The following DSCAM variants were observed in gnomAD, a reference collection of about 807,000 sequenced individuals.
DSCAM encodes cell adhesion molecule DSCAM.
DSCAM carries 47 observed loss-of-function variants against 217.7 expected under a neutral mutation model. The observed-to-expected ratio is 0.22, with a 90% confidence interval of 0.17 to 0.28. The LOEUF is 0.28. DSCAM is among the 10% of genes least tolerant of loss of function. The pLI is 1.00. For synonymous variants in DSCAM, 1,056 were observed against 1,015.3 expected (o/e 1.04, Z -0.76); for missense variants, 2,080 against 2,618.3 (o/e 0.79, Z 4.49).
At chr21:40,453,266 TC>T (rs2145933236) in intron 3 of DSCAM, among the ~76,000 whole-genome samples, 2 of 152,284 alleles carry the variant, frequency 1.3e-5, no homozygotes, top group South Asian at 4.1e-4. Flanking sequence ...ATGTATTCTT[TC>T]TTGAGAAGAT....
intron 3 of DSCAM, among the ~76,000 whole-genome samples, chr21:40,541,785 A>C (rs1184756039): frequency 1.3e-5 from 2 of 152,222 alleles, no homozygotes; most frequent in Non-Finnish European, 2.9e-5. Flanking sequence ...GATGTTTAGG[A>C]AGACTTGGAA....
At chr21:40,265,213 A>G (rs1181330305) in intron 11 of DSCAM, among the ~76,000 whole-genome samples, 3 of 150,794 alleles carry the variant, frequency 2.0e-5, no homozygotes, top group Non-Finnish European at 4.4e-5. Context: ...AAAGAAAAAA[A>G]AAAGAACTCA....
chr21:40,236,911 T>C (rs1346660971), intron 11 of DSCAM, among the ~76,000 whole-genome samples: 2 of 152,160 alleles, frequency 1.3e-5, no homozygotes, highest in African/African-American at 2.4e-5. Context: ...GACAGCTTTA[T>C]TACTTCTGAC....
intron 1 of DSCAM, among the ~76,000 whole-genome samples, chr21:40,759,439 A>G (rs2091308420): frequency 6.6e-6 from 1 of 152,148 alleles, no homozygotes; most frequent in Non-Finnish European, 1.5e-5. Context: ...AAAAAAACCA[A>G]CTGAATGATC....
chr21:40,269,520 G>A (rs2073586974), intron 11 of DSCAM, among the ~76,000 whole-genome samples: 1 of 152,210 alleles, frequency 6.6e-6, no homozygotes, highest in Non-Finnish European at 1.5e-5. Context: ...TTGTCACTGA[G>A]TGTATGGTGT....
At chr21:40,592,604 G>C (rs751501472) in intron 3 of DSCAM, among the ~76,000 whole-genome samples, 1 of 152,028 alleles carries the variant, frequency 6.6e-6, no homozygotes, top group Non-Finnish European at 1.5e-5. Flanking sequence ...TCTTGCCTCT[G>C]TGTGCTTGCC....
chr21:40,276,104 C>G lies in DSCAM; in HGVS notation c.2349G>C (p.Thr783=). Residue 783 remains threonine (T), a synonymous_variant, in exon 11 of 33, where the codon ACG becomes ACC. Transcript: ENST00000400454. ...GADVSKSMYL[T]VKIPAMITSY... Reference sequence around the variant, plus strand: ...GCATTTCTTCTCTCTTACTTTTAACCGTGAGGTACATGGACTTGCTGACGT... The same window carrying G: ...GCATTTCTTCTCTCTTACTTTTAACGGTGAGGTACATGGACTTGCTGACGT... 3.2e-6 allele frequency: 5 copies of G among 1,576,234 alleles called. No individual in the cohort carries two copies. Among genetic ancestry groups the G allele is most frequent in the Non-Finnish European group, 4.3e-6 (5 of 1,163,296 alleles).
intron 3 of DSCAM, among the ~76,000 whole-genome samples, chr21:40,437,703 T>C (rs2075595553): frequency 6.6e-6 from 1 of 151,638 alleles, no homozygotes; most frequent in African/African-American, 2.4e-5. Context: ...ATACAAAAAT[T>C]AGCCAGGCGT....
At chr21:40,334,742 G>C (rs2074412465) in intron 8 of DSCAM, among the ~76,000 whole-genome samples, 1 of 152,006 alleles carries the variant, frequency 6.6e-6, no homozygotes, top group Non-Finnish European at 1.5e-5. Context: ...CAAACTACTA[G>C]ACTGGAAGTA....
At chr21:40,610,280 C>T (rs562440297) in intron 3 of DSCAM, among the ~76,000 whole-genome samples, 2 of 152,302 alleles carry the variant, frequency 1.3e-5, no homozygotes, top group Admixed American at 6.5e-5. Context: ...TACATTTCTC[C>T]CCTCCATCTC....
intron 3 of DSCAM, among the ~76,000 whole-genome samples, chr21:40,419,558 C>T (rs1040594989): frequency 1.3e-5 from 2 of 152,126 alleles, no homozygotes; most frequent in Non-Finnish European, 2.9e-5. Flanking sequence ...TCTTATCTTT[C>T]ATATATGAGG....
chr21:40,154,389 G>C (rs1282077980), intron 16 of DSCAM, among the ~76,000 whole-genome samples: 1 of 151,948 alleles, frequency 6.6e-6, no homozygotes, highest in Non-Finnish European at 1.5e-5. Context: ...GAGTACCTGG[G>C]ATCACAGACA....
At chr21:40,497,033 CT>C (rs2076124283) in intron 3 of DSCAM, among the ~76,000 whole-genome samples, 1 of 152,072 alleles carries the variant, frequency 6.6e-6, no homozygotes, top group Non-Finnish European at 1.5e-5. Flanking sequence ...CCCTAGTACT[CT>C]ATTGGTGGAA....
intron 3 of DSCAM, among the ~76,000 whole-genome samples, chr21:40,637,640 T>TATATATATAA (rs2089821003): frequency 3.1e-5 from 2 of 64,796 alleles, no homozygotes; most frequent in Non-Finnish European, 5.3e-5. Flanking sequence ...TAAATATATA[T>TATATATATAA]AAATATATAT....
intron 3 of DSCAM, among the ~76,000 whole-genome samples, chr21:40,681,580 G>C (rs2090401463): frequency 1.3e-5 from 2 of 151,732 alleles, no homozygotes; most frequent in Admixed American, 1.3e-4. Flanking sequence ...TAAAATGTGT[G>C]AGAGAGGGCA....
intron 11 of DSCAM, among the ~76,000 whole-genome samples, chr21:40,230,564 T>A (rs2091372244): frequency 6.6e-6 from 1 of 152,200 alleles, no homozygotes; most frequent in Non-Finnish European, 1.5e-5. Context: ...ATCTTTCTTC[T>A]TTTTGAATAT....
intron 3 of DSCAM, among the ~76,000 whole-genome samples, chr21:40,386,037 T>C (rs756821924): frequency 2.0e-5 from 3 of 152,166 alleles, no homozygotes; most frequent in Non-Finnish European, 4.4e-5. Flanking sequence ...AACAAATCAC[T>C]AGTACCGCTG....
chr21:40,573,381 C>G (rs2076823970), intron 3 of DSCAM, among the ~76,000 whole-genome samples: 1 of 151,930 alleles, frequency 6.6e-6, no homozygotes, highest in Admixed American at 6.6e-5. Flanking sequence ...AAATAAATAG[C>G]TTTAAAACTA....
intron 11 of DSCAM, among the ~76,000 whole-genome samples, chr21:40,190,924 A>T (rs2090946716): frequency 6.6e-6 from 1 of 152,260 alleles, no homozygotes; most frequent in Non-Finnish European, 1.5e-5. Context: ...AATATGATAA[A>T]GGAACAAGAT....
Sources: gnomAD v4.1 joint callset for allele counts (sites outside exome capture counted in the v4.1 genomes callset) on GRCh38, gnomAD v4.1.1 for gene constraint, MANE v1.5 for transcripts, NCBI Gene and HGNC (gene_info 2026-07-23, HGNC 2026-07-21) for gene names.